The following MAGI2 variants were observed in gnomAD, a reference collection of about 807,000 sequenced individuals.
The protein encoded by MAGI2 is membrane-associated guanylate kinase, WW and PDZ domain-containing protein 2.
Under a neutral mutation model 133.3 loss-of-function variants are expected in MAGI2, and 35 were observed. The ratio of observed to expected loss-of-function variants is 0.26; its 90% CI spans 0.20 to 0.35. The LOEUF is 0.35. Ranked by LOEUF, MAGI2 falls within the 10% of genes least tolerant of loss-of-function variation. The pLI is 1.00. For missense variants in MAGI2, 1,636 were observed against 1,863.4 expected, an observed-to-expected ratio of 0.88 and a Z score of 2.25; for synonymous variants, 729 against 710.6, an observed-to-expected ratio of 1.03 and a Z score of -0.41.
At chr7:78,300,095 G>A (rs768509018) in intron 9 of MAGI2, among the ~76,000 whole-genome samples, 2 of 152,090 alleles carry the variant, frequency 1.3e-5, no homozygotes, top group Non-Finnish European at 2.9e-5. Context: ...AGCAGAACCT[G>A]TGACTTTGTT....
chr7:79,226,608 T>C (rs1394441571), intron 1 of MAGI2, among the ~76,000 whole-genome samples: 1 of 152,186 alleles, frequency 6.6e-6, no homozygotes, highest in Non-Finnish European at 1.5e-5. Flanking sequence ...CTCCTTTCTC[T>C]TCCCTTCTCT....
intron 3 of MAGI2, among the ~76,000 whole-genome samples, chr7:78,553,094 T>TAA (rs754149011): frequency 0.11 from 14,864 of 132,956 alleles, 1,191 homozygotes; most frequent in African/African-American, 0.22. Flanking sequence ...AACTTTAAAT[T>TAA]AAAAAAAAAA....
At chr7:78,845,863 G>C (rs1323473467) in intron 2 of MAGI2, among the ~76,000 whole-genome samples, 3 of 151,908 alleles carry the variant, frequency 2.0e-5, no homozygotes, top group Non-Finnish European at 4.4e-5. Context: ...GATTGGGTCA[G>C]AGGGGAGAGT....
chr7:79,055,673 T>C (rs1027660502), intron 1 of MAGI2, among the ~76,000 whole-genome samples: 1 of 152,232 alleles, frequency 6.6e-6, no homozygotes, highest in African/African-American at 2.4e-5. Flanking sequence ...ATATGTATAT[T>C]CAAATTTAAT....
intron 1 of MAGI2, among the ~76,000 whole-genome samples, chr7:79,144,490 T>A (rs1253836278): frequency 6.6e-6 from 1 of 152,200 alleles, no homozygotes; most frequent in East Asian, 1.9e-4. Flanking sequence ...CCTTCCACCA[T>A]GATTGGAAGT....
chr7:79,195,963 G>T (rs549530224), intron 1 of MAGI2, among the ~76,000 whole-genome samples: 2 of 152,002 alleles, frequency 1.3e-5, no homozygotes, highest in South Asian at 2.1e-4. Flanking sequence ...GGGCTGAAGT[G>T]GTTGGGCATC....
At chr7:79,129,349 T>C (rs148996299) in intron 1 of MAGI2, among the ~76,000 whole-genome samples, 1 of 152,344 alleles carries the variant, frequency 6.6e-6, no homozygotes, top group African/African-American at 2.4e-5. Context: ...CATCCAAAAA[T>C]CTTAAGTTGA....
chr7:78,660,457 A>C (rs1812826187), intron 2 of MAGI2, among the ~76,000 whole-genome samples: 1 of 152,148 alleles, frequency 6.6e-6, no homozygotes, highest in African/African-American at 2.4e-5. Context: ...GAAGTCTTTA[A>C]GAGGAAAATG....
chr7:78,124,501 G>A (rs987021480), intron 20 of MAGI2, among the ~76,000 whole-genome samples: 12 of 152,148 alleles, frequency 7.9e-5, no homozygotes, highest in Non-Finnish European at 7.3e-5. Flanking sequence ...TTGGAAATGC[G>A]TATCATAGAA....
chr7:78,888,731 A>T (rs2151562646), intron 2 of MAGI2, among the ~76,000 whole-genome samples: 1 of 152,266 alleles, frequency 6.6e-6, no homozygotes, highest in Non-Finnish European at 1.5e-5. Context: ...CCATCCATAC[A>T]TCACCATCAT....
At chr7:78,294,085 T>A (rs117494229) in intron 9 of MAGI2, among the ~76,000 whole-genome samples, 7,090 of 144,692 alleles carry the variant, frequency 0.049, 228 homozygotes, top group South Asian at 0.13. Flanking sequence ...AATAAAAAAA[T>A]ATATATAATT....
At chr7:78,250,412 T>G (rs1474169107) in intron 10 of MAGI2, among the ~76,000 whole-genome samples, 2 of 152,098 alleles carry the variant, frequency 1.3e-5, no homozygotes, top group Non-Finnish European at 2.9e-5. Context: ...GAGTGAAATT[T>G]ATAGTTTTAA....
intron 20 of MAGI2, among the ~76,000 whole-genome samples, chr7:78,109,603 G>T (rs943434863): frequency 6.6e-6 from 1 of 152,172 alleles, no homozygotes; most frequent in Non-Finnish European, 1.5e-5. Context: ...CTGCACTCCA[G>T]CCTGGGAGAC....
intron 3 of MAGI2, among the ~76,000 whole-genome samples, chr7:78,530,301 T>C (rs73141143): frequency 0.19 from 28,489 of 152,198 alleles, 3,003 homozygotes; most frequent in South Asian, 0.4. Context: ...ATTAAGCATC[T>C]AGCAGATGTA....
chr7:78,686,835 C>T (rs193001998), intron 2 of MAGI2, among the ~76,000 whole-genome samples: 2 of 152,260 alleles, frequency 1.3e-5, no homozygotes, highest in South Asian at 2.1e-4. Context: ...ACTAACTCAG[C>T]AAAGGGAAAC....
chr7:78,307,164 C>T (rs775641209), intron 9 of MAGI2, among the ~76,000 whole-genome samples: 22 of 152,218 alleles, frequency 1.4e-4, no homozygotes, highest in African/African-American at 2.4e-4. Context: ...TAATTTTAGA[C>T]GACTTCATGC....
At chr7:78,968,194 C>T (rs1408107485) in intron 2 of MAGI2, among the ~76,000 whole-genome samples, 1 of 152,076 alleles carries the variant, frequency 6.6e-6, no homozygotes, top group African/African-American at 2.4e-5. Context: ...GTGATGCCTA[C>T]AAATTTGTTC....
intron 2 of MAGI2, among the ~76,000 whole-genome samples, chr7:78,908,915 T>C (rs1206147238): frequency 6.6e-6 from 1 of 152,186 alleles, no homozygotes; most frequent in Non-Finnish European, 1.5e-5. Context: ...AAAAACTTCA[T>C]GGTGAAAATG....
At chr7:78,800,434 A>G (rs527503028) in intron 2 of MAGI2, among the ~76,000 whole-genome samples, 43 of 152,042 alleles carry the variant, frequency 2.8e-4, no homozygotes, top group Non-Finnish European at 1.3e-4. Flanking sequence ...TTAATGGAAG[A>G]GGCCTAAAAA....
Sources: gnomAD v4.1 joint callset for allele counts (sites outside exome capture counted in the v4.1 genomes callset) on GRCh38, gnomAD v4.1.1 for gene constraint, MANE v1.5 for transcripts, NCBI Gene and HGNC (gene_info 2026-07-23, HGNC 2026-07-21) for gene names.